The following IL1RAPL2 variants were observed in gnomAD, a reference collection of about 807,000 sequenced individuals.
IL1RAPL2 encodes X-linked interleukin-1 receptor accessory protein-like 2.
In IL1RAPL2, 3 loss-of-function variants were observed where a neutral mutation model predicts 44.1. That is an observed-to-expected ratio of 0.07 (90% confidence interval 0.03 to 0.18). The LOEUF is 0.18. Among genes scored for constraint, IL1RAPL2 ranks in the 10% least tolerant of loss-of-function variants. The pLI, the probability that IL1RAPL2 is intolerant of heterozygous loss-of-function variation, is 1.00. For synonymous variants in IL1RAPL2, 181 were observed against 178.8 expected (o/e 1.01, Z -0.10); for missense variants, 391 against 496.4 (o/e 0.79, Z 2.02).
chrX:104,909,493 C>T (rs768320827), intron 2 of IL1RAPL2, among the ~76,000 whole-genome samples: 7 of 111,549 alleles, frequency 6.3e-5, no homozygotes, highest in Non-Finnish European at 9.4e-5. Context: ...TTTTGGTCTT[C>T]TATGATGGTG....
intron 5 of IL1RAPL2, among the ~76,000 whole-genome samples, chrX:105,332,435 A>G (rs938963047): frequency 5.4e-5 from 6 of 110,569 alleles, no homozygotes; most frequent in African/African-American, 2.0e-4. Context: ...TGCTTCTCAA[A>G]TGTTCTGTAC....
At chrX:104,874,429 G>A (rs1602773284) in intron 2 of IL1RAPL2, among the ~76,000 whole-genome samples, 1 of 108,986 alleles carries the variant, frequency 9.2e-6, no homozygotes, top group East Asian at 2.9e-4. Context: ...ATGAATGGCA[G>A]AAGAGATTAG....
intron 2 of IL1RAPL2, chrX:104,804,583 G>A (rs1456040307): frequency 1.8e-5 from 2 of 112,125 alleles, no homozygotes; most frequent in African/African-American, 6.5e-5. Flanking sequence ...TACCACAATA[G>A]TCTTTATTGT....
chrX:104,701,938 A>T lies in IL1RAPL2; in HGVS notation c.82+42943A>T, dbSNP rs192650840. On this transcript the variant is annotated intron_variant, in intron 2 of 10. Coordinates refer to ENST00000372582, the MANE Select transcript of IL1RAPL2 (RefSeq NM_017416.2). ...TGCTGGGATAGTAATGCTGATAAAA[A>T]TTTTTTTTGAAAACATTCAGGCTGC... Among the ~76,000 whole-genome samples the T allele has an allele frequency of 6.6e-3, 732 of 111,652 alleles. 3 individuals are homozygous for T. The highest frequency in any genetic ancestry group is 0.022 in the African/African-American group (684 of 30,767).
At chrX:104,953,325 G>A (rs1302810283) in intron 2 of IL1RAPL2, among the ~76,000 whole-genome samples, 5 of 111,623 alleles carry the variant, frequency 4.5e-5, no homozygotes, top group African/African-American at 1.6e-4. Context: ...AAACTCAGAG[G>A]AAAATAACAT....
At chrX:105,715,246 A>G (rs1205594865) in intron 6 of IL1RAPL2, among the ~76,000 whole-genome samples, 1 of 112,322 alleles carries the variant, frequency 8.9e-6, no homozygotes, top group African/African-American at 3.2e-5. Context: ...TCTTCTTTTT[A>G]TCTTATGTTG....
chrX:105,147,834 TTTTA>T (rs1180675869), intron 2 of IL1RAPL2, among the ~76,000 whole-genome samples: 2 of 111,426 alleles, frequency 1.8e-5, no homozygotes, highest in African/African-American at 6.5e-5. Flanking sequence ...AGACATATGA[TTTTA>T]TTTCTTTTTT....
rs182652068 is a variant in IL1RAPL2 at position 105,378,257 on chromosome X, T to C, written c.698-106056T>C. Among the ~76,000 whole-genome samples the C allele has an allele frequency of 1.6e-4, 18 of 112,036 alleles. No individual in the cohort carries two copies. In the East Asian group the frequency reaches 3.9e-3, roughly 24 times the overall value. On this transcript the variant is annotated intron_variant, in intron 5 of 10. Coordinates refer to ENST00000372582, the MANE Select transcript of IL1RAPL2 (RefSeq NM_017416.2). ...ATGAGGTTTGAGGTAGAAGGTAGAT[T>C]CTTGAAGTTTGAAATATTTTACATG...
chrX:104,604,751 A>T (rs1197268098), intron 1 of IL1RAPL2, among the ~76,000 whole-genome samples: 1 of 110,925 alleles, frequency 9.0e-6, no homozygotes, highest in African/African-American at 3.3e-5. Context: ...TAAAGGGATC[A>T]ATGCAGCAAA....
chrX:104,746,176 C>CT (rs1275868519), intron 2 of IL1RAPL2, among the ~76,000 whole-genome samples: 1 of 111,652 alleles, frequency 9.0e-6, no homozygotes, highest in East Asian at 2.8e-4. Context: ...CTCTTAACAA[C>CT]TTATATAGTA....
At chrX:104,654,065 C>T (rs1202968781) in intron 1 of IL1RAPL2, among the ~76,000 whole-genome samples, 2 of 110,499 alleles carry the variant, frequency 1.8e-5, no homozygotes, top group East Asian at 2.9e-4. Flanking sequence ...CCCCCACCCC[C>T]AATGTCTACT....
At chrX:104,638,967 C>G (rs1929880141) in intron 1 of IL1RAPL2, among the ~76,000 whole-genome samples, 1 of 111,931 alleles carries the variant, frequency 8.9e-6, no homozygotes, top group Admixed American at 9.4e-5. Context: ...TTGAAGTCCC[C>G]CACTCTTCAT....
chrX:105,677,046 A>G (rs2037878937), intron 6 of IL1RAPL2, among the ~76,000 whole-genome samples: 2 of 111,731 alleles, frequency 1.8e-5, no homozygotes, highest in South Asian at 7.4e-4. Flanking sequence ...TGTGGTTGTT[A>G]TTATTCTTGT....
intron 2 of IL1RAPL2, among the ~76,000 whole-genome samples, chrX:105,079,556 T>C (rs1213039610): frequency 1.8e-5 from 2 of 109,929 alleles, no homozygotes; most frequent in Non-Finnish European, 3.8e-5. Flanking sequence ...CTGCATAGTA[T>C]TCCATGGTGT....
intron 5 of IL1RAPL2, chrX:105,406,274 A>T: frequency 9.4e-7 from 1 of 1,058,439 alleles, no homozygotes; most frequent in Non-Finnish European, 1.3e-6. Flanking sequence ...GCAATATCAT[A>T]GAGGCGCTTT....
intron 6 of IL1RAPL2, among the ~76,000 whole-genome samples, chrX:105,603,984 A>G: frequency 9.0e-6 from 1 of 111,291 alleles, no homozygotes; most frequent in Non-Finnish European, 1.9e-5. Flanking sequence ...AACACAGCAT[A>G]TTAAAACCTA....
chrX:105,045,551 GTTTA>G (rs772915772), intron 2 of IL1RAPL2, among the ~76,000 whole-genome samples: 1 of 110,584 alleles, frequency 9.0e-6, no homozygotes, highest in East Asian at 2.9e-4. Flanking sequence ...CTTTTATTGT[GTTTA>G]TTTATTTTTA....
At chrX:105,388,852 C>T (rs1250788774) in intron 5 of IL1RAPL2, among the ~76,000 whole-genome samples, 1 of 111,331 alleles carries the variant, frequency 9.0e-6, no homozygotes, top group Non-Finnish European at 1.9e-5. Context: ...TGTCTTATTA[C>T]ATAAAAGGGG....
intron 2 of IL1RAPL2, among the ~76,000 whole-genome samples, chrX:105,087,993 C>T (rs1283972133): frequency 8.9e-6 from 1 of 112,130 alleles, no homozygotes; most frequent in African/African-American, 3.2e-5. Flanking sequence ...CACATTTGAA[C>T]CACATGCTTG....
Sources: gnomAD v4.1 joint callset for allele counts (sites outside exome capture counted in the v4.1 genomes callset) on GRCh38, gnomAD v4.1.1 for gene constraint, MANE v1.5 for transcripts, NCBI Gene and HGNC (gene_info 2026-07-23, HGNC 2026-07-21) for gene names.